The following IPO11 variants were observed in gnomAD, a reference collection of about 807,000 sequenced individuals.
The protein encoded by IPO11 is importin 11, also known as importin-11.
In IPO11, 66 loss-of-function variants were observed where a neutral mutation model predicts 143.2. That is an observed-to-expected ratio of 0.46 (90% CI 0.38 to 0.57). IPO11 has a LOEUF of 0.57. Ranked by LOEUF, IPO11 falls within the 20% of genes least tolerant of loss-of-function variation. The pLI, the probability that IPO11 is intolerant of heterozygous loss-of-function variation, is 0.00. For missense variants in IPO11, 1,026 were observed against 1,141.0 expected (o/e 0.90, Z 1.45); for synonymous variants, 385 against 377.8 (o/e 1.02, Z -0.22).
chr5:62,626,428 A>G (rs1746580172), intron 29 of IPO11, among the ~76,000 whole-genome samples: 1 of 152,172 alleles, frequency 6.6e-6, no homozygotes, highest in Admixed American at 6.5e-5. Flanking sequence ...AGATTTTACC[A>G]GTTTTTCCGG....
intron 24 of IPO11, among the ~76,000 whole-genome samples, chr5:62,543,998 G>T (rs1743055914): frequency 6.6e-6 from 1 of 152,070 alleles, no homozygotes; most frequent in South Asian, 2.1e-4. Flanking sequence ...GAGCGGTTTT[G>T]AGTGAGTGAG....
chr5:62,561,047 T>C (rs1743751761), intron 26 of IPO11, 89 bp from the exon 27 acceptor site: 2 of 1,172,268 alleles, frequency 1.7e-6, no homozygotes, highest in South Asian at 1.7e-5. Flanking sequence ...ATTTTAACCA[T>C]GACTTATGAG....
chr5:62,414,259 T>C (rs1743215367), intron 1 of IPO11, among the ~76,000 whole-genome samples: 1 of 152,252 alleles, frequency 6.6e-6, no homozygotes, highest in East Asian at 1.9e-4. Flanking sequence ...ATGATCCTTG[T>C]AGGCATGTGG....
At chr5:62,513,498 G>A (rs1741868344) in intron 19 of IPO11, among the ~76,000 whole-genome samples, 2 of 129,514 alleles carry the variant, frequency 1.5e-5, no homozygotes, top group African/African-American at 2.9e-5. Context: ...CCGGGCAGAG[G>A]CGCCCCTCAC....
intron 24 of IPO11, among the ~76,000 whole-genome samples, chr5:62,547,195 G>A (rs1743233666): frequency 6.6e-6 from 1 of 152,096 alleles, no homozygotes; most frequent in Non-Finnish European, 1.5e-5. Context: ...ATTACATTCA[G>A]TAGTATTATT....
chr5:62,484,889 T>G (rs887402457), intron 11 of IPO11, among the ~76,000 whole-genome samples: 1 of 151,904 alleles, frequency 6.6e-6, no homozygotes, highest in Non-Finnish European at 1.5e-5. Context: ...AACATGTCTT[T>G]TCTTGTTTTT....
intron 24 of IPO11, among the ~76,000 whole-genome samples, chr5:62,538,272 G>A (rs1218162681): frequency 1.3e-5 from 2 of 152,174 alleles, no homozygotes; most frequent in Admixed American, 6.5e-5. Flanking sequence ...AGAATCCAAA[G>A]TGTACTTTAG....
At chr5:62,457,887 G>A (rs763846474) in intron 5 of IPO11, among the ~76,000 whole-genome samples, 4 of 152,140 alleles carry the variant, frequency 2.6e-5, no homozygotes, top group Admixed American at 6.5e-5. Flanking sequence ...GGTGGCTCAC[G>A]CCTGTAATCC....
In IPO11 at chr5:62,535,960, CAT is replaced by C. The variant is rs141505646; in HGVS notation, c.2090-741_2090-740del. Among the ~76,000 whole-genome samples the C allele has an allele frequency of 7.9e-3, 1,200 of 152,178 alleles. 19 individuals carry two copies. Among genetic ancestry groups the C allele is most frequent in the African/African-American group, 0.027 (1,136 of 41,546 alleles). On this transcript the variant is annotated intron_variant, in intron 22 of 29. Coordinates refer to ENST00000325324, the MANE Select transcript of IPO11 (RefSeq NM_016338.5). The stretch of plus-strand genomic sequence containing the variant: ...TGTATTATTATTTTAAGTAGTGAAA[CAT>C]GTAAAATAGCACAGTGTCAACTTTT...
intron 1 of IPO11, among the ~76,000 whole-genome samples, chr5:62,425,502 G>A (rs998377669): frequency 6.0e-4 from 92 of 152,202 alleles, no homozygotes; most frequent in African/African-American, 2.2e-3. Flanking sequence ...ATTTTTAGTA[G>A]AGACAGGGTT....
chr5:62,420,646 C>A (rs138997882), intron 1 of IPO11, among the ~76,000 whole-genome samples: 1 of 150,962 alleles, frequency 6.6e-6, no homozygotes, highest in African/African-American at 2.4e-5. Context: ...GTGGCACGAT[C>A]GTGGCTCACT....
chr5:62,435,656 C>T (rs545296981), intron 1 of IPO11, among the ~76,000 whole-genome samples: 2 of 149,924 alleles, frequency 1.3e-5, no homozygotes, highest in Non-Finnish European at 3.0e-5. Context: ...ACCTGGCAGG[C>T]AGAGGTTGCA....
intron 8 of IPO11, 38 bp from the exon 9 acceptor site, chr5:62,476,645 C>G: frequency 6.7e-7 from 1 of 1,489,546 alleles, no homozygotes. Flanking sequence ...TGGTTGTGAA[C>G]TTATTAACTT....
chr5:62,486,146 A>G (rs1419951746), intron 12 of IPO11, among the ~76,000 whole-genome samples: 1 of 151,596 alleles, frequency 6.6e-6, no homozygotes, highest in African/African-American at 2.4e-5. Flanking sequence ...ACGCCCAGCT[A>G]ATTTTTTGTT....
intron 29 of IPO11, among the ~76,000 whole-genome samples, chr5:62,610,323 A>T (rs1325310830): frequency 6.6e-6 from 1 of 152,164 alleles, no homozygotes; most frequent in Admixed American, 6.5e-5. Flanking sequence ...GATGATCTTT[A>T]CAAAGTTTGT....
At chr5:62,568,490 C>A (rs556069811) in intron 27 of IPO11, among the ~76,000 whole-genome samples, 1 of 140,144 alleles carries the variant, frequency 7.1e-6, no homozygotes, top group Non-Finnish European at 1.5e-5. Flanking sequence ...TGGAGACTCA[C>A]TTGAACCCAG....
intron 3 of IPO11, among the ~76,000 whole-genome samples, chr5:62,449,283 C>CAGT (rs1744824672): frequency 6.6e-6 from 1 of 152,178 alleles, no homozygotes; most frequent in African/African-American, 2.4e-5. Flanking sequence ...CTTTCCTGTC[C>CAGT]AGTAGCTTTC....
chr5:62,427,440 A>G (rs1405161329), intron 1 of IPO11, among the ~76,000 whole-genome samples: 1 of 152,206 alleles, frequency 6.6e-6, no homozygotes, highest in Non-Finnish European at 1.5e-5. Context: ...GACAGTCTGC[A>G]TGAAGTGTCA....
chr5:62,547,382 T>A (rs557233317), intron 24 of IPO11, among the ~76,000 whole-genome samples: 2 of 152,260 alleles, frequency 1.3e-5, no homozygotes, highest in South Asian at 4.1e-4. Context: ...ATGTCATCAT[T>A]ATTACTGACA....
Sources: gnomAD v4.1 joint callset for allele counts (sites outside exome capture counted in the v4.1 genomes callset) on GRCh38, gnomAD v4.1.1 for gene constraint, MANE v1.5 for transcripts, NCBI Gene and HGNC (gene_info 2026-07-23, HGNC 2026-07-21) for gene names.